ZNF486: variants seen among roughly 807,000 people sequenced by gnomAD.
ZNF486 encodes the protein zinc finger protein 486.
In ZNF486, 12 loss-of-function variants were observed where a neutral mutation model predicts 12.8. The ratio of observed to expected loss-of-function variants is 0.94; its 90% confidence interval spans 0.60 to 1.52. The LOEUF is 1.52. ZNF486 is among the 40% of genes most tolerant of loss of function. The pLI is 0.00. For synonymous variants in ZNF486, 231 were observed against 184.9 expected (o/e 1.25, Z -2.02); for missense variants, 738 against 545.0 (o/e 1.35, Z -3.53).
At chr19:20,193,455 T>C (rs936794475) in intron 3 of ZNF486, among the ~76,000 whole-genome samples, 1 of 151,530 alleles carries the variant, frequency 6.6e-6, no homozygotes, top group Non-Finnish European at 1.5e-5. Context: ...AGGTCAGGAG[T>C]TCGAGAGCAG....
intron 1 of ZNF486, among the ~76,000 whole-genome samples, chr19:20,168,452 C>T (rs1316171731): frequency 1.3e-5 from 2 of 152,038 alleles, no homozygotes; most frequent in Non-Finnish European, 2.9e-5. Context: ...TTCGGGAGTT[C>T]GAGACCGGCC....
intron 1 of ZNF486, among the ~76,000 whole-genome samples, chr19:20,181,529 T>C: frequency 7.6e-6 from 1 of 132,302 alleles, no homozygotes; most frequent in East Asian, 2.2e-4. Flanking sequence ...GCAGCGAGAC[T>C]CCATCTCAAA....
intron 1 of ZNF486, among the ~76,000 whole-genome samples, chr19:20,171,742 G>A (rs2122626112): frequency 6.6e-6 from 1 of 152,146 alleles, no homozygotes; most frequent in Non-Finnish European, 1.5e-5. Flanking sequence ...TTTTTGGTTC[G>A]ATGTACACAT....
chr19:20,195,535 T>A (rs1451455412), intron 3 of ZNF486, among the ~76,000 whole-genome samples: 2 of 152,212 alleles, frequency 1.3e-5, no homozygotes, highest in African/African-American at 4.8e-5. Flanking sequence ...GAAAAGTTTA[T>A]AATTTTTTTG....
At position 20,184,365 on chromosome 19, in the gene ZNF486, C is replaced by T. The variant is rs202184921; in HGVS notation, c.40C>T (p.Gln14Ter). 6.7e-5 allele frequency: 108 copies of T among 1,612,648 alleles called. No individual in the cohort carries two copies. In the Middle Eastern group the frequency reaches 8.2e-4, roughly 12 times the overall value. ...PLRSLEMESL[Q>*]FRDVAVEFSL... ...TGTGTGTGTTTTTCAGGAATCATTG[C>T]AATTTAGAGATGTGGCTGTAGAATT... is the stretch of plus-strand genomic sequence containing the variant. The change falls in exon 2 of 4, where the codon CAA becomes TAA. Residue 14 changes from glutamine (Q) to a stop codon, truncating the protein, a stop_gained. Coordinates refer to ENST00000335117, the MANE Select transcript of ZNF486 (RefSeq NM_052852.4). LOFTEE classifies it high-confidence loss of function.
At chr19:20,171,428 C>G (rs1555713867) in intron 1 of ZNF486, among the ~76,000 whole-genome samples, 1 of 152,208 alleles carries the variant, frequency 6.6e-6, no homozygotes, top group African/African-American at 2.4e-5. Flanking sequence ...TAGGCATCAC[C>G]CTCAGAAACT....
At position 20,197,655 on chromosome 19, in the gene ZNF486, T is replaced by G; in HGVS notation, c.945T>G (p.Ile315Met). The G allele has an allele frequency of 6.2e-7, 1 of 1,613,764 alleles. No individual in the cohort carries two copies. Among genetic ancestry groups the G allele is most frequent in the Non-Finnish European group, 8.5e-7 (1 of 1,179,846 alleles). The part of the protein sequence containing the change: ...HPATLSSHKK[I>M]HTGEKPYTCD... ...CAACTCTTTCTTCACATAAGAAAAT[T>G]CATACTGGAGAGAAACCGTACACGT... is the stretch of plus-strand genomic sequence containing the variant. Residue 315 changes from isoleucine to methionine, a missense_variant, in exon 4 of 4, where the codon ATT (isoleucine) becomes ATG (methionine). Coordinates refer to ENST00000335117, the MANE Select transcript of ZNF486 (RefSeq NM_052852.4).
chr19:20,193,431 G>T (rs1193951460), intron 3 of ZNF486, among the ~76,000 whole-genome samples: 2 of 151,962 alleles, frequency 1.3e-5, no homozygotes, highest in African/African-American at 2.4e-5. Flanking sequence ...GGAGGCCGAG[G>T]TGGGTGAATC....
Position 20,198,263 on chromosome 19 carries a change from C to G in ZNF486, c.*161C>G. Reference sequence around the variant, plus strand: ...GGATTACAGGGCTGCACCACCACACCTGGCTAATTTTGTATTTTTAGTAGA... The same window carrying G: ...GGATTACAGGGCTGCACCACCACACGTGGCTAATTTTGTATTTTTAGTAGA... On this transcript the variant is annotated 3_prime_UTR_variant, in exon 4 of 4. Transcript: ENST00000335117. The G allele has an allele frequency of 1.6e-6, 1 of 631,744 alleles. No homozygotes were observed. Among genetic ancestry groups the G allele is most frequent in the East Asian group, 2.8e-5 (1 of 35,550 alleles). The allele number at this position is 631,744 out of a possible 1,614,324, so 39.1% of individuals were successfully genotyped here. A position where few individuals can be genotyped will look rare whatever the true frequency, so the allele number is the denominator to read the frequency against.
intron 1 of ZNF486, among the ~76,000 whole-genome samples, chr19:20,180,008 G>A (rs2089767106): frequency 6.6e-6 from 1 of 152,200 alleles, no homozygotes; most frequent in Non-Finnish European, 1.5e-5. Flanking sequence ...AGGTTCTGGA[G>A]CTCCACCAAG....
intron 1 of ZNF486, among the ~76,000 whole-genome samples, chr19:20,168,547 G>A (rs1244470710): frequency 2.0e-5 from 3 of 151,894 alleles, no homozygotes; most frequent in African/African-American, 7.2e-5. Context: ...CCAGCTACTC[G>A]GGAGGCTGAG....
chr19:20,197,714 CG>C lies in ZNF486; in HGVS notation c.1005del (p.Ile336SerfsTer35), dbSNP rs781982399. 8 of 1,613,734 alleles carry C rather than the reference CG, an allele frequency of 5.0e-6. No homozygotes were observed. The highest frequency in any genetic ancestry group is 1.6e-4 in the Middle Eastern group (1 of 6,062). On this transcript the variant is annotated frameshift_variant, in exon 4 of 4. Transcript: ENST00000335117. LOFTEE classifies it low-confidence loss of function (END_TRUNC). ...TGTGGCAAAGCCTTTATTTCATCCT[CG>C]ATCCTTAGTAAACATGAGAAGATTC... is the stretch of plus-strand genomic sequence containing the variant. Reference protein sequence around the residue: ...DKCGKAFISSSILSKHEKIHT... With the variant: ...DKCGKAFISSXILSKHEKIHT...
chr19:20,179,740 T>A (rs143000658), intron 1 of ZNF486, among the ~76,000 whole-genome samples: 1 of 152,208 alleles, frequency 6.6e-6, no homozygotes, highest in Non-Finnish European at 1.5e-5. Flanking sequence ...ACAGGCCCCA[T>A]TTGGGAGTGT....
At chr19:20,170,226 GGGTAGC>G (rs2089634715) in intron 1 of ZNF486, among the ~76,000 whole-genome samples, 1 of 151,898 alleles carries the variant, frequency 6.6e-6, no homozygotes, top group Non-Finnish European at 1.5e-5. Context: ...CTCAGACTGA[GGGTAGC>G]TCAAAATTCA....
rs2089966369 is a variant in ZNF486, at chr19:20,197,122, G to A, written c.412G>A (p.Gly138Ser). Residue 138 changes from glycine to serine, a missense_variant, in exon 4 of 4, where the codon GGT becomes AGT. Transcript: ENST00000335117. ...GGATGAGTGTAAGTTACACAAAAGA[G>A]GTTATAATGGACTTAACCAATGTTT... ...SVDECKLHKRGYNGLNQCLTT... is the reference protein window; with the variant it reads ...SVDECKLHKRSYNGLNQCLTT... 1.2e-6 allele frequency: 2 copies of A among 1,613,738 alleles called. No homozygotes were observed. The highest frequency in any genetic ancestry group is 1.7e-6 in the Non-Finnish European group (2 of 1,179,968).
At position 20,184,463 on chromosome 19, in the gene ZNF486, C is replaced by T. The variant is rs1568322444; in HGVS notation, c.138C>T (p.Tyr46=). 1.2e-6 allele frequency: 2 copies of T among 1,612,150 alleles called. No individual in the cohort carries two copies. The highest frequency in any genetic ancestry group is 2.2e-5 in the East Asian group (1 of 44,820). ...NLYRDVMLEN[Y]RHLVFLGIIV... ...ATAGGGATGTGATGTTAGAGAACTA[C>T]AGACACCTGGTCTTCCTTGGTGAGG... The change falls in exon 2 of 4, where the codon TAC becomes TAT. Residue 46 remains tyrosine, a synonymous_variant. Coordinates refer to ENST00000335117, the MANE Select transcript of ZNF486 (RefSeq NM_052852.4).
At position 20,181,731 on chromosome 19, in the gene ZNF486, T is replaced by G. The variant is rs566265166; in HGVS notation, c.31-2625T>G. 2.7e-5 allele frequency among the ~76,000 whole-genome samples: 4 copies of G among 150,730 alleles called. No individual in the cohort carries two copies. The East Asian group carries it at 7.9e-4, about 30-fold the overall frequency. On this transcript the variant is annotated intron_variant, in intron 1 of 3. Transcript: ENST00000335117. ...GAATAAAATTTTCTCTAAATTACAT[T>G]AAATTATTCCTTTCTATCTCTTTCA...
At chr19:20,184,702 C>T (rs1245261878) in intron 2 of ZNF486, among the ~76,000 whole-genome samples, 1 of 152,172 alleles carries the variant, frequency 6.6e-6, no homozygotes, top group East Asian at 1.9e-4. Context: ...ATTCTTCACT[C>T]TAAATTAGTG....
chr19:20,176,739 C>G (rs2089722028), intron 1 of ZNF486: 1 of 154,204 alleles, frequency 6.5e-6, no homozygotes. Context: ...GCAGGAGAAT[C>G]AGGCAGGGAG....
Sources: allele counts gnomAD v4.1 joint callset (sites outside exome capture counted in the v4.1 genomes callset), GRCh38; gene constraint gnomAD v4.1.1; transcripts MANE v1.5; gene names NCBI Gene and HGNC (gene_info 2026-07-23, HGNC 2026-07-21).